Variants in MRPS28 observed in about 807,000 individuals in gnomAD.
The protein encoded by MRPS28 is small ribosomal subunit protein bS1m.
Under a neutral mutation model 10.8 loss-of-function variants are expected in MRPS28, and 7 were observed. The ratio of observed to expected loss-of-function variants is 0.65; its 90% confidence interval spans 0.37 to 1.22. The LOEUF is 1.22. MRPS28 is among the 50% of genes most tolerant of loss of function. The pLI, the probability that MRPS28 is intolerant of heterozygous loss-of-function variation, is 0.02. For missense variants in MRPS28, 265 were observed against 232.9 expected, an observed-to-expected ratio of 1.14 and a Z score of -0.90; for synonymous variants, 121 against 93.3, an observed-to-expected ratio of 1.30 and a Z score of -1.71.
chr8:80,030,022 C>T lies in MRPS28; in HGVS notation c.213+14G>A, dbSNP rs781307304. On this transcript the variant is annotated intron_variant, in intron 1 of 2. Transcript: ENST00000276585. ...GTAATTCCCGCGACTCCCTCTCACC[C>T]GCCCGGGCTCCACCTTCTGTAGGGG... 1 of 1,603,952 alleles carries T rather than the reference C, an allele frequency of 6.2e-7. No homozygotes were observed. The highest frequency in any genetic ancestry group is 8.5e-7 in the Non-Finnish European group (1 of 1,176,314).
chr8:80,007,992 T>C (rs890096352), intron 1 of MRPS28, among the ~76,000 whole-genome samples: 18 of 152,132 alleles, frequency 1.2e-4, no homozygotes, highest in African/African-American at 3.6e-4. Flanking sequence ...AGAACAAAGC[T>C]AGAGGCATCA....
chr8:79,956,190 C>T (rs963433599), intron 2 of MRPS28, among the ~76,000 whole-genome samples: 5 of 151,976 alleles, frequency 3.3e-5, no homozygotes, highest in Non-Finnish European at 5.9e-5. Flanking sequence ...TTTGTTGCTG[C>T]TCATCTTATC....
chr8:79,975,432 G>A (rs111918773), intron 2 of MRPS28, among the ~76,000 whole-genome samples: 7 of 152,022 alleles, frequency 4.6e-5, no homozygotes, highest in African/African-American at 7.2e-5. Flanking sequence ...AATTATAAAA[G>A]AAAAAGGCAA....
At chr8:79,938,264 C>T (rs1050359106) in intron 2 of MRPS28, among the ~76,000 whole-genome samples, 22 of 152,058 alleles carry the variant, frequency 1.4e-4, no homozygotes, top group African/African-American at 4.3e-4. Flanking sequence ...TGCCACACAT[C>T]GTGATTTGCA....
In MRPS28 at chr8:79,990,989, C is replaced by CA. The variant is rs60436244; in HGVS notation, c.395+12009dup. On this transcript the variant is annotated intron_variant, in intron 2 of 2. Transcript: ENST00000276585. ...CTGGTGACAGAGCAAGACTCCATCT[C>CA]AAAAAAAAAAAAAAAAAGTAACTGT... 2.3e-3 allele frequency among the ~76,000 whole-genome samples: 279 copies of CA among 118,880 alleles called. 1 individual carries two copies. Among genetic ancestry groups the CA allele is most frequent in the East Asian group, 8.0e-3 (33 of 4,118 alleles). The allele number at this position is 118,880 out of a possible 152,430, so 78.0% of individuals were successfully genotyped here. A position where few individuals can be genotyped will look rare whatever the true frequency, so the allele number is the denominator to read the frequency against.
chr8:80,011,061 A>G (rs1212626386), intron 1 of MRPS28, among the ~76,000 whole-genome samples: 1 of 152,192 alleles, frequency 6.6e-6, no homozygotes, highest in East Asian at 1.9e-4. Context: ...TAACACAGAC[A>G]CAGCTGACTT....
At chr8:79,964,643 G>A (rs904642068) in intron 2 of MRPS28, among the ~76,000 whole-genome samples, 4 of 151,842 alleles carry the variant, frequency 2.6e-5, no homozygotes, top group African/African-American at 9.7e-5. Flanking sequence ...AAAATGAAAT[G>A]CTCGCCCATT....
Position 80,006,425 on chromosome 8 carries a change from C to G in MRPS28, c.214-3245G>C, listed in dbSNP as rs1808847936. Among the ~76,000 whole-genome samples the G allele has an allele frequency of 5.9e-5, 9 of 152,242 alleles. No individual in the cohort carries two copies. The South Asian group carries it at 1.9e-3, about 32-fold the overall frequency. ...AACGCAGAAATAACTAAGATCAGAG[C>G]AGAACTGAAGGAGACAGAGACACAA... On this transcript the variant is annotated intron_variant, in intron 1 of 2. Coordinates refer to ENST00000276585, the MANE Select transcript of MRPS28 (RefSeq NM_014018.3).
intron 2 of MRPS28, among the ~76,000 whole-genome samples, chr8:79,926,040 G>C (rs979133320): frequency 1.3e-5 from 2 of 149,360 alleles, no homozygotes; most frequent in Non-Finnish European, 3.0e-5. Context: ...AAGAGGAAAA[G>C]GAAAACCCTG....
chr8:80,012,237 A>G (rs916362799), intron 1 of MRPS28, among the ~76,000 whole-genome samples: 1 of 152,166 alleles, frequency 6.6e-6, no homozygotes, highest in Non-Finnish European at 1.5e-5. Context: ...TTGCTTTTAA[A>G]TTGTAGCTTA....
intron 2 of MRPS28, among the ~76,000 whole-genome samples, chr8:79,988,368 T>C (rs1808257389): frequency 6.6e-6 from 1 of 151,672 alleles, no homozygotes; most frequent in Admixed American, 6.6e-5. Context: ...CACGTGTATA[T>C]GTATGTAACT....
intron 2 of MRPS28, among the ~76,000 whole-genome samples, chr8:79,974,051 T>C (rs1466573723): frequency 6.6e-6 from 1 of 152,030 alleles, no homozygotes; most frequent in Non-Finnish European, 1.5e-5. Flanking sequence ...GGCCTAGAAA[T>C]CTGAATTTTT....
intron 2 of MRPS28, among the ~76,000 whole-genome samples, chr8:79,984,617 T>G (rs1808095862): frequency 6.6e-6 from 1 of 151,886 alleles, no homozygotes; most frequent in African/African-American, 2.4e-5. Context: ...AAGGCAGGGG[T>G]TGCAATCCTA....
At chr8:79,945,150 T>C (rs1806875482) in intron 2 of MRPS28, among the ~76,000 whole-genome samples, 1 of 152,134 alleles carries the variant, frequency 6.6e-6, no homozygotes, top group Non-Finnish European at 1.5e-5. Flanking sequence ...AGCCAGTACA[T>C]AAATTTGGAA....
In MRPS28 at chr8:79,974,186, G is replaced by A. The variant is rs557818943; in HGVS notation, c.395+28813C>T. On this transcript the variant is annotated intron_variant, in intron 2 of 2. Transcript: ENST00000276585. ...CTGATGAACTTTTTGACAGTACACC[G>A]AAGAAAGAACAGTTTATATCATAAC... Among the ~76,000 whole-genome samples the A allele has an allele frequency of 1.0e-3, 158 of 152,174 alleles. 1 individual carries two copies. The highest frequency in any genetic ancestry group is 1.8e-3 in the Admixed American group (27 of 15,262).
chr8:80,013,666 GA>G (rs1207071657), intron 1 of MRPS28, among the ~76,000 whole-genome samples: 1 of 137,902 alleles, frequency 7.3e-6, no homozygotes, highest in African/African-American at 2.7e-5. Flanking sequence ...AAAGAAAAAA[GA>G]AAAAAAACAA....
At chr8:79,979,612 C>G (rs572014097) in intron 2 of MRPS28, among the ~76,000 whole-genome samples, 1 of 152,068 alleles carries the variant, frequency 6.6e-6, no homozygotes, top group Non-Finnish European at 1.5e-5. Context: ...CAGCTGCAAC[C>G]TTCCGGGCTC....
At chr8:79,932,217 A>C (rs1806481845) in intron 2 of MRPS28, among the ~76,000 whole-genome samples, 1 of 152,206 alleles carries the variant, frequency 6.6e-6, no homozygotes. Flanking sequence ...AGGAAGAGAG[A>C]GACAATAAAC....
intron 2 of MRPS28, among the ~76,000 whole-genome samples, chr8:79,926,137 A>G (rs1810229137): frequency 6.6e-6 from 1 of 152,066 alleles, no homozygotes; most frequent in South Asian, 2.1e-4. Context: ...ACATATGGAA[A>G]GGGGAAAAAA....
Sources: allele counts gnomAD v4.1 joint callset (sites outside exome capture counted in the v4.1 genomes callset), GRCh38; gene constraint gnomAD v4.1.1; transcripts MANE v1.5; gene names NCBI Gene and HGNC (gene_info 2026-07-23, HGNC 2026-07-21).